The following FGF12 variants were observed in gnomAD, a reference collection of about 807,000 sequenced individuals.
The protein encoded by FGF12 is fibroblast growth factor 12.
FGF12 carries 14 observed loss-of-function variants against 23.6 expected under a neutral mutation model. The observed-to-expected ratio is 0.59, with a 90% CI of 0.39 to 0.93. The LOEUF is 0.93. Among genes scored for constraint, FGF12 ranks in the 40% least tolerant of loss-of-function variants. The pLI is 0.00. For synonymous variants in FGF12, 62 were observed against 77.3 expected (o/e 0.80, Z 1.04); for missense variants, 175 against 217.8 (o/e 0.80, Z 1.24).
Position 192,181,851 on chromosome 3 carries a change from G to A in FGF12, c.229-11195C>T, listed in dbSNP as rs574788801. Among the ~76,000 whole-genome samples, 5 of 151,276 alleles carry A rather than the reference G, an allele frequency of 3.3e-5. No homozygotes were observed. The South Asian group carries it at 8.5e-4, about 26-fold the overall frequency. On this transcript the variant is annotated intron_variant, in intron 4 of 5. Transcript: ENST00000445105. ...TTGCTGTGTTCCCCAGGCTGGTTTC[G>A]AACTCCTGGGATCAACCCACAGTGC...
intron 2 of FGF12, among the ~76,000 whole-genome samples, chr3:192,444,325 T>C (rs1722287877): frequency 6.6e-6 from 1 of 152,226 alleles, no homozygotes; most frequent in Non-Finnish European, 1.5e-5. Flanking sequence ...TTTCCTTCTC[T>C]CTTCACACCT....
intron 4 of FGF12, among the ~76,000 whole-genome samples, chr3:192,296,593 A>G (rs1715055935): frequency 6.6e-6 from 1 of 152,206 alleles, no homozygotes; most frequent in South Asian, 2.1e-4. Context: ...ATCCTAAAAC[A>G]TGATATTAAT....
chr3:192,290,645 C>T (rs1714706992), intron 4 of FGF12, among the ~76,000 whole-genome samples: 1 of 152,134 alleles, frequency 6.6e-6, no homozygotes, highest in Non-Finnish European at 1.5e-5. Context: ...TCGTGAGTAG[C>T]AGGGATGGGA....
chr3:192,372,391 T>TCACACACACACACACACA (rs58664869), intron 2 of FGF12, among the ~76,000 whole-genome samples: 2 of 148,986 alleles, frequency 1.3e-5, no homozygotes, highest in Admixed American at 6.7e-5. Flanking sequence ...TTTCATACCA[T>TCACACACACACACACACA]CACACACACA....
Position 192,510,562 on chromosome 3 carries a change from ACT to A in FGF12, c.14-150026_14-150025del, listed in dbSNP as rs139008186. Among the ~76,000 whole-genome samples, 785 of 152,334 alleles carry A rather than the reference ACT, an allele frequency of 5.2e-3. 3 individuals are homozygous for A. The highest frequency in any genetic ancestry group is 8.4e-3 in the Non-Finnish European group (573 of 68,030). On this transcript the variant is annotated intron_variant, in intron 2 of 5. Coordinates refer to ENST00000445105, the MANE Select transcript of FGF12 (RefSeq NM_004113.6). Reference sequence around the variant, plus strand: ...CAGCAACTTTGAAAGACAGTTTGACACTGTCTTACCAAACTAAACACTGTTGC... The same window carrying A: ...CAGCAACTTTGAAAGACAGTTTGACAGTCTTACCAAACTAAACACTGTTGC...
At chr3:192,242,621 A>G (rs909151969) in intron 4 of FGF12, among the ~76,000 whole-genome samples, 3 of 152,176 alleles carry the variant, frequency 2.0e-5, no homozygotes, top group Non-Finnish European at 2.9e-5. Flanking sequence ...AATATAAAGC[A>G]TAATATTATA....
At chr3:192,381,287 T>G (rs1719802081) in intron 2 of FGF12, among the ~76,000 whole-genome samples, 1 of 152,160 alleles carries the variant, frequency 6.6e-6, no homozygotes, top group Admixed American at 6.5e-5. Flanking sequence ...AAGGTACAGG[T>G]AATCAAAGAC....
intron 4 of FGF12, among the ~76,000 whole-genome samples, chr3:192,299,802 C>T (rs1224089811): frequency 6.6e-6 from 1 of 152,122 alleles, no homozygotes. Context: ...GTAGACAGTG[C>T]TCTCTGTGCA....
chr3:192,458,250 T>C (rs975667128), intron 2 of FGF12, among the ~76,000 whole-genome samples: 2 of 152,108 alleles, frequency 1.3e-5, no homozygotes, highest in African/African-American at 4.8e-5. Context: ...GGGCACTGCC[T>C]AGTAGAGCTG....
At chr3:192,629,860 T>C (rs747583007) in intron 2 of FGF12, among the ~76,000 whole-genome samples, 4 of 152,186 alleles carry the variant, frequency 2.6e-5, no homozygotes, top group Non-Finnish European at 2.9e-5. Context: ...AAGCACAATC[T>C]GCGAGGATAT....
rs1246460497 is a variant in FGF12 at position 192,143,766 on chromosome 3, C to G, written c.*243G>C. ...TTATGGAGTTCTGATTTATTTTTTC[C>G]TTTGCTTTTAAGTGTGCTAATCTTT... On this transcript the variant is annotated 3_prime_UTR_variant, in exon 6 of 6. Transcript: ENST00000445105. The G allele has an allele frequency of 2.6e-6, 1 of 389,034 alleles. No homozygotes were observed. Among genetic ancestry groups the G allele is most frequent in the Non-Finnish European group, 4.6e-6 (1 of 218,764 alleles). The allele number at this position is 389,034 out of a possible 1,614,324, so 24.1% of individuals were successfully genotyped here. A position where few individuals can be genotyped will look rare whatever the true frequency, so the allele number is the denominator to read the frequency against.
intron 2 of FGF12, among the ~76,000 whole-genome samples, chr3:192,407,633 C>T (rs1408971204): frequency 6.6e-6 from 1 of 152,052 alleles, no homozygotes; most frequent in Non-Finnish European, 1.5e-5. Flanking sequence ...AAGTACTGTA[C>T]TCTACAGACG....
chr3:192,434,608 A>G (rs767909838), intron 2 of FGF12, among the ~76,000 whole-genome samples: 11 of 152,098 alleles, frequency 7.2e-5, no homozygotes, highest in African/African-American at 1.4e-4. Context: ...TCTGTGATCA[A>G]TCTTCATATG....
intron 4 of FGF12, among the ~76,000 whole-genome samples, chr3:192,214,125 G>A (rs1718073924): frequency 6.6e-6 from 1 of 152,174 alleles, no homozygotes; most frequent in Non-Finnish European, 1.5e-5. Context: ...ACAGAGACGG[G>A]AACTGTAACA....
intron 2 of FGF12, among the ~76,000 whole-genome samples, chr3:192,582,899 C>T (rs1328580621): frequency 1.3e-5 from 2 of 152,134 alleles, no homozygotes; most frequent in African/African-American, 4.8e-5. Context: ...CTAGCCTCAA[C>T]ACAAACATGC....
chr3:192,588,041 A>G (rs1483134522), intron 2 of FGF12, among the ~76,000 whole-genome samples: 1 of 151,768 alleles, frequency 6.6e-6, no homozygotes, highest in Non-Finnish European at 1.5e-5. Context: ...GTTTTTAACA[A>G]CAGGGGCATA....
chr3:192,391,942 T>G (rs1194290342), intron 2 of FGF12, among the ~76,000 whole-genome samples: 3 of 152,162 alleles, frequency 2.0e-5, no homozygotes, highest in Non-Finnish European at 4.4e-5. Context: ...CTGTATTGCA[T>G]AAGCAAAGAT....
At chr3:192,470,682 C>A (rs1188629175) in intron 2 of FGF12, among the ~76,000 whole-genome samples, 2 of 152,220 alleles carry the variant, frequency 1.3e-5, no homozygotes, top group Non-Finnish European at 2.9e-5. Flanking sequence ...AGCCCCCACA[C>A]CCGGCCTAGT....
intron 2 of FGF12, among the ~76,000 whole-genome samples, chr3:192,372,011 T>A (rs1299477679): frequency 3.9e-5 from 6 of 152,144 alleles, no homozygotes; most frequent in Admixed American, 3.9e-4. Flanking sequence ...CAGACATAGC[T>A]TTTGGCCTCC....
Sources: allele counts gnomAD v4.1 joint callset (sites outside exome capture counted in the v4.1 genomes callset), GRCh38; gene constraint gnomAD v4.1.1; transcripts MANE v1.5; gene names NCBI Gene and HGNC (gene_info 2026-07-23, HGNC 2026-07-21).